The following ADAM23 variants were observed in gnomAD, a reference collection of about 807,000 sequenced individuals.
ADAM23 encodes ADAM metallopeptidase domain 23.
A neutral mutation model predicts 120.1 loss-of-function variants in ADAM23; 33 were observed. That is an observed-to-expected ratio of 0.27 (90% CI 0.21 to 0.37). ADAM23 has a LOEUF of 0.37. Ranked by LOEUF, ADAM23 falls within the 10% of genes least tolerant of loss-of-function variation. The pLI, the probability that ADAM23 is intolerant of heterozygous loss-of-function variation, is 1.00. For missense variants in ADAM23, 862 were observed against 1,058.2 expected, an observed-to-expected ratio of 0.81 and a Z score of 2.57; for synonymous variants, 367 against 375.2, an observed-to-expected ratio of 0.98 and a Z score of 0.25.
At chr2:206,457,345 AG>A (rs1185840796) in intron 2 of ADAM23, among the ~76,000 whole-genome samples, 1 of 152,200 alleles carries the variant, frequency 6.6e-6, no homozygotes, top group African/African-American at 2.4e-5. Context: ...AGTTTGCTAG[AG>A]GTCTTAAGAA....
chr2:206,523,331 A>G (rs985379655), intron 3 of ADAM23, among the ~76,000 whole-genome samples: 2 of 152,120 alleles, frequency 1.3e-5, no homozygotes, highest in South Asian at 2.1e-4. Context: ...TCTATAACCT[A>G]TTCATGCTAG....
At chr2:206,455,529 T>C (rs1695280174) in intron 2 of ADAM23, among the ~76,000 whole-genome samples, 1 of 152,236 alleles carries the variant, frequency 6.6e-6, no homozygotes, top group Non-Finnish European at 1.5e-5. Context: ...AATGGGTTTG[T>C]GTTTTCTGCC....
chr2:206,530,794 C>A, intron 3 of ADAM23, 91 bp from the exon 4 acceptor site: 1 of 945,518 alleles, frequency 1.1e-6, no homozygotes, highest in Non-Finnish European at 1.6e-6. Flanking sequence ...TTCTGGTTTG[C>A]ATGCCCCTCA....
chr2:206,536,045 T>A (rs1490166881), intron 4 of ADAM23, among the ~76,000 whole-genome samples: 2 of 152,220 alleles, frequency 1.3e-5, no homozygotes, highest in African/African-American at 4.8e-5. Context: ...ACCCTCTTCA[T>A]CAAACAAGAA....
At chr2:206,538,007 A>G (rs1697215598) in intron 4 of ADAM23, among the ~76,000 whole-genome samples, 2 of 152,196 alleles carry the variant, frequency 1.3e-5, no homozygotes, top group Non-Finnish European at 2.9e-5. Context: ...AGAATATGAA[A>G]GGAGCACGGG....
intron 4 of ADAM23, among the ~76,000 whole-genome samples, chr2:206,532,747 C>T (rs1362348221): frequency 6.6e-6 from 1 of 151,946 alleles, no homozygotes; most frequent in Non-Finnish European, 1.5e-5. Flanking sequence ...TTAAAAATTT[C>T]ATAATATTAT....
At chr2:206,550,222 A>T (rs1697484921) in intron 9 of ADAM23, 62 bp downstream of exon 9, 6 of 1,003,056 alleles carry the variant, frequency 6.0e-6, no homozygotes, top group Non-Finnish European at 8.6e-6. Flanking sequence ...AATACATTTT[A>T]CTTTATAGTT....
At chr2:206,471,948 G>A (rs956627671) in intron 2 of ADAM23, among the ~76,000 whole-genome samples, 4 of 152,182 alleles carry the variant, frequency 2.6e-5, no homozygotes, top group Admixed American at 2.0e-4. Flanking sequence ...ATTTTAAATA[G>A]CAAGTGCTCC....
chr2:206,477,891 AAAAAAAATATATAT>A lies in ADAM23; in HGVS notation c.433-3339_433-3326del, dbSNP rs1412644039. On this transcript the variant is annotated intron_variant, in intron 2 of 25. Transcript: ENST00000264377. ...AGCCAATATTCTGTTAAAAAAAAAAAAAAAAAATATATATATATATATATATATATAAAACAACA... is the reference window on the plus strand; with the variant it reads ...AGCCAATATTCTGTTAAAAAAAAAAAATATATATATATATATAAAACAACA... Among the ~76,000 whole-genome samples the A allele has an allele frequency of 3.0e-4, 28 of 94,418 alleles. 1 individual carries two copies. Among genetic ancestry groups the A allele is most frequent in the African/African-American group, 1.4e-3 (28 of 20,074 alleles). The allele number at this position is 94,418 out of a possible 152,430, so 61.9% of individuals were successfully genotyped here.
chr2:206,445,278 C>T (rs781756211), intron 1 of ADAM23, 29 bp from the exon 2 acceptor site: 1 of 1,542,398 alleles, frequency 6.5e-7, no homozygotes, highest in Non-Finnish European at 9.0e-7. Flanking sequence ...TTTGTATTTT[C>T]TGCTCCCCCA....
intron 3 of ADAM23, among the ~76,000 whole-genome samples, chr2:206,503,012 C>T (rs1559237270): frequency 6.6e-6 from 1 of 152,040 alleles, no homozygotes; most frequent in Non-Finnish European, 1.5e-5. Context: ...ATGAATAGAG[C>T]CCATTTATAC....
chr2:206,609,594 A>C (rs1698790819), intron 24 of ADAM23, among the ~76,000 whole-genome samples: 1 of 152,100 alleles, frequency 6.6e-6, no homozygotes, highest in Non-Finnish European at 1.5e-5. Flanking sequence ...GATACATGAT[A>C]CTGGGAGAGG....
chr2:206,504,419 A>G (rs137971060), intron 3 of ADAM23, among the ~76,000 whole-genome samples: 7 of 152,266 alleles, frequency 4.6e-5, no homozygotes, highest in African/African-American at 1.4e-4. Context: ...AACCAAAATT[A>G]GTAGCATTTT....
chr2:206,467,455 C>T (rs371272154), intron 2 of ADAM23, among the ~76,000 whole-genome samples: 5 of 152,228 alleles, frequency 3.3e-5, no homozygotes, highest in African/African-American at 1.2e-4. Context: ...GTCATTAAAC[C>T]TTAAAGTTAC....
At chr2:206,581,188 T>C (rs1433999158) in intron 18 of ADAM23, among the ~76,000 whole-genome samples, 4 of 152,194 alleles carry the variant, frequency 2.6e-5, no homozygotes, top group Non-Finnish European at 5.9e-5. Context: ...TTATCTTATG[T>C]ATTTTGTTGT....
chr2:206,545,345 G>A (rs959362882), intron 6 of ADAM23, among the ~76,000 whole-genome samples: 1 of 152,124 alleles, frequency 6.6e-6, no homozygotes, highest in African/African-American at 2.4e-5. Context: ...AATTAGCTGG[G>A]CGTGGTGACG....
At chr2:206,468,495 A>G (rs1236953184) in intron 2 of ADAM23, among the ~76,000 whole-genome samples, 22 of 152,182 alleles carry the variant, frequency 1.4e-4, no homozygotes, top group Admixed American at 1.4e-3. Context: ...CCTTTGCTAT[A>G]GTTCCCAATA....
intron 18 of ADAM23, among the ~76,000 whole-genome samples, chr2:206,583,163 C>A (rs924817065): frequency 1.3e-5 from 2 of 152,128 alleles, no homozygotes; most frequent in Admixed American, 1.3e-4. Flanking sequence ...TTTTAGAATT[C>A]TCTTCCTCCG....
chr2:206,605,785 C>T (rs1364738688), intron 24 of ADAM23: 8 of 702,410 alleles, frequency 1.1e-5, no homozygotes, highest in African/African-American at 3.5e-5. Flanking sequence ...TTTCCCTCCA[C>T]ACAGTGAATA....
Sources: allele counts gnomAD v4.1 joint callset (sites outside exome capture counted in the v4.1 genomes callset), GRCh38; gene constraint gnomAD v4.1.1; transcripts MANE v1.5; gene names NCBI Gene and HGNC (gene_info 2026-07-23, HGNC 2026-07-21).